Variants in SORCS2 observed in about 807,000 individuals in gnomAD.
The protein encoded by SORCS2 is sortilin related VPS10 domain containing receptor 2, also known as VPS10 domain-containing receptor SorCS2.
SORCS2 carries 100 observed loss-of-function variants against 141.6 expected under a neutral mutation model. The observed-to-expected ratio is 0.71, with a 90% CI of 0.60 to 0.83. The LOEUF is 0.83. Ranked by LOEUF, SORCS2 falls within the 40% of genes least tolerant of loss-of-function variation. SORCS2 has a pLI of 0.00. For missense variants in SORCS2, 1,646 were observed against 1,560.2 expected (o/e 1.05, Z -0.93); for synonymous variants, 789 against 676.9 (o/e 1.17, Z -2.57).
intron 1 of SORCS2, among the ~76,000 whole-genome samples, chr4:7,351,982 A>G (rs1057434022): frequency 2.0e-5 from 3 of 151,886 alleles, no homozygotes; most frequent in African/African-American, 4.8e-5. Flanking sequence ...CTGTCCATCT[A>G]TCATCCATCC....
chr4:7,320,615 G>T (rs1718837841), intron 1 of SORCS2, among the ~76,000 whole-genome samples: 1 of 152,240 alleles, frequency 6.6e-6, no homozygotes, highest in Non-Finnish European at 1.5e-5. Context: ...ACGTCTGGAT[G>T]GAGGCTGTTT....
rs1723697489 is a variant in SORCS2, at chr4:7,389,160, C to T, written c.481-7128C>T. ...CTGCCCATCCTGCCTGCGCTCTTTC[C>T]CTCAGTCCCTGGCAGTGGAGCTTGT... On this transcript the variant is annotated intron_variant, in intron 1 of 26. Transcript: ENST00000507866. Among the ~76,000 whole-genome samples, 4 of 152,316 alleles carry T rather than the reference C, an allele frequency of 2.6e-5. No individual in the cohort carries two copies. In the South Asian group the frequency reaches 6.2e-4, roughly 24 times the overall value.
chr4:7,339,489 C>G (rs897638164), intron 1 of SORCS2, among the ~76,000 whole-genome samples: 4 of 152,350 alleles, frequency 2.6e-5, no homozygotes, highest in African/African-American at 9.6e-5. Flanking sequence ...CTGTCCCAGG[C>G]TGCTCTGCAA....
intron 2 of SORCS2, chr4:7,433,842 G>A: frequency 6.2e-7 from 1 of 1,613,918 alleles, no homozygotes; most frequent in Non-Finnish European, 8.5e-7. Context: ...GCTGCACCAA[G>A]GAGGGGCTGT....
chr4:7,595,340 G>C (rs929403956), intron 3 of SORCS2, among the ~76,000 whole-genome samples: 1 of 152,106 alleles, frequency 6.6e-6, no homozygotes, highest in Admixed American at 6.5e-5. Flanking sequence ...CCTCATCTAG[G>C]GGGTTTGTGG....
chr4:7,680,627 A>T (rs1723465985), intron 9 of SORCS2, among the ~76,000 whole-genome samples: 1 of 152,264 alleles, frequency 6.6e-6, no homozygotes, highest in South Asian at 2.1e-4. Context: ...CTATGCAGAT[A>T]ATACAGGCAG....
intron 3 of SORCS2, among the ~76,000 whole-genome samples, chr4:7,626,211 T>C (rs1335195964): frequency 2.6e-5 from 4 of 152,210 alleles, no homozygotes; most frequent in Admixed American, 6.5e-5. Flanking sequence ...CATTCATAGA[T>C]GACCTAGCAG....
At chr4:7,266,278 G>C (rs941269246) in intron 1 of SORCS2, among the ~76,000 whole-genome samples, 1 of 152,176 alleles carries the variant, frequency 6.6e-6, no homozygotes, top group African/African-American at 2.4e-5. Context: ...GAGTCCCTCC[G>C]TGGAAGTTGG....
chr4:7,611,937 G>A (rs1159515122), intron 3 of SORCS2, among the ~76,000 whole-genome samples: 1 of 152,258 alleles, frequency 6.6e-6, no homozygotes. Context: ...GGCCAGGGAG[G>A]CCAGTGAGGT....
At chr4:7,618,106 G>A (rs1457586465) in intron 3 of SORCS2, among the ~76,000 whole-genome samples, 2 of 152,080 alleles carry the variant, frequency 1.3e-5, no homozygotes, top group Admixed American at 6.5e-5. Flanking sequence ...GGGTGGACAG[G>A]CATCCCTGAT....
intron 3 of SORCS2, among the ~76,000 whole-genome samples, chr4:7,563,068 T>C (rs1019869760): frequency 2.0e-5 from 3 of 152,168 alleles, no homozygotes; most frequent in African/African-American, 7.2e-5. Flanking sequence ...AATTCCTAGT[T>C]CCCTGGTCAT....
intron 8 of SORCS2, among the ~76,000 whole-genome samples, chr4:7,673,048 A>C (rs889581643): frequency 1.2e-4 from 19 of 152,250 alleles, no homozygotes; most frequent in African/African-American, 4.6e-4. Flanking sequence ...TACATCCTTC[A>C]TGTAAAAATA....
chr4:7,473,679 G>T (rs766048997), intron 2 of SORCS2, among the ~76,000 whole-genome samples: 1 of 152,142 alleles, frequency 6.6e-6, no homozygotes. Flanking sequence ...ATGGCTGGGC[G>T]GTAGCAGGAC....
At chr4:7,554,319 G>C (rs977854603) in intron 3 of SORCS2, among the ~76,000 whole-genome samples, 14 of 148,998 alleles carry the variant, frequency 9.4e-5, no homozygotes, top group Non-Finnish European at 1.8e-4. Context: ...ACATAGGAGA[G>C]TTGTTTATTA....
intron 3 of SORCS2, among the ~76,000 whole-genome samples, chr4:7,585,725 T>A (rs749302325): frequency 6.6e-6 from 1 of 152,226 alleles, no homozygotes; most frequent in Non-Finnish European, 1.5e-5. Context: ...TAATTCTGAT[T>A]CACCTCTCAG....
At chr4:7,298,884 G>A (rs959370978) in intron 1 of SORCS2, among the ~76,000 whole-genome samples, 3 of 152,222 alleles carry the variant, frequency 2.0e-5, no homozygotes, top group Non-Finnish European at 4.4e-5. Flanking sequence ...GAATCAGCCC[G>A]CAAGCCCGCC....
intron 2 of SORCS2, among the ~76,000 whole-genome samples, chr4:7,448,183 G>A (rs1257894102): frequency 6.6e-6 from 1 of 152,160 alleles, no homozygotes; most frequent in African/African-American, 2.4e-5. Context: ...CTGTCCTGCT[G>A]CTCCGGGCCC....
At chr4:7,368,499 AG>A (rs1722046578) in intron 1 of SORCS2, among the ~76,000 whole-genome samples, 1 of 152,090 alleles carries the variant, frequency 6.6e-6, no homozygotes, top group South Asian at 2.1e-4. Flanking sequence ...GGGTCCCCCC[AG>A]CAGCCAGCGC....
intron 1 of SORCS2, among the ~76,000 whole-genome samples, chr4:7,341,434 G>T (rs1720364129): frequency 1.3e-5 from 2 of 152,216 alleles, no homozygotes; most frequent in Non-Finnish European, 2.9e-5. Flanking sequence ...GTCTTGTGTT[G>T]GCTGTTTGTG....
Sources: gnomAD v4.1 joint callset for allele counts (sites outside exome capture counted in the v4.1 genomes callset) on GRCh38, gnomAD v4.1.1 for gene constraint, MANE v1.5 for transcripts, NCBI Gene and HGNC (gene_info 2026-07-23, HGNC 2026-07-21) for gene names.